A2M: variants seen among roughly 807,000 people sequenced by gnomAD.
A2M encodes C3 and PZP-like alpha-2-macroglobulin domain-containing protein 5.
A neutral mutation model predicts 183.9 loss-of-function variants in A2M; 128 were observed. The observed-to-expected ratio is 0.70, with a 90% confidence interval of 0.60 to 0.81. A2M has a LOEUF of 0.81. A2M is among the 30% of genes least tolerant of loss of function. The pLI, the probability that A2M is intolerant of heterozygous loss-of-function variation, is 0.00. For missense variants in A2M, 1,495 were observed against 1,787.6 expected (o/e 0.84, Z 2.95); for synonymous variants, 592 against 670.8 (o/e 0.88, Z 1.81).
intron 29 of A2M, among the ~76,000 whole-genome samples, chr12:9,074,032 G>A (rs865880303): frequency 6.7e-6 from 1 of 149,112 alleles, no homozygotes. Context: ...AGGTTGCAGT[G>A]AGCCGAGATT....
At chr12:9,096,556 T>C (rs781763138) in intron 15 of A2M, among the ~76,000 whole-genome samples, 3 of 152,340 alleles carry the variant, frequency 2.0e-5, no homozygotes, top group East Asian at 1.9e-4. Flanking sequence ...CTTCATATAA[T>C]ACATACAACT....
intron 21 of A2M, 110 bp from the exon 22 acceptor site, chr12:9,089,361 A>C: frequency 1.2e-6 from 1 of 801,812 alleles, no homozygotes. Context: ...TTTGAACTGT[A>C]TTATCTAAGA....
At chr12:9,077,225 T>C in intron 27 of A2M, 121 bp downstream of exon 27, 1 of 977,426 alleles carries the variant, frequency 1.0e-6, no homozygotes, top group Non-Finnish European at 1.5e-6. Context: ...TGGGAAGCAC[T>C]GGCATTGCAT....
chr12:9,070,928 C>G (rs1279251158), intron 31 of A2M, among the ~76,000 whole-genome samples: 1 of 151,856 alleles, frequency 6.6e-6, no homozygotes, highest in East Asian at 1.9e-4. Flanking sequence ...TCAAGTGATT[C>G]TCCTGCCTCA....
intron 7 of A2M, among the ~76,000 whole-genome samples, chr12:9,108,795 C>A (rs1452253111): frequency 3.9e-5 from 6 of 152,138 alleles, no homozygotes. Context: ...TCAGTGCAGA[C>A]AGGTATGTAG....
chr12:9,095,400 T>C (rs1209416784), intron 16 of A2M, 139 bp downstream of exon 16: 1 of 776,394 alleles, frequency 1.3e-6, no homozygotes, highest in Non-Finnish European at 2.0e-6. Context: ...GATCTGCTGC[T>C]ATTAGTAGAG....
chr12:9,101,193 T>TCCC lies in A2M; in HGVS notation c.1506_1508dup (p.Gly504dup). ...CATGAGTCCCAGTTCGGACAATGCC[T>TCCC]CCCTTTGCCATTATCTGCAAAAAAG... On this transcript the variant is annotated inframe_insertion, in exon 13 of 36. Coordinates refer to ENST00000318602, the MANE Select transcript of A2M (RefSeq NM_000014.6). 1.3e-6 allele frequency: 2 copies of TCCC among 1,560,114 alleles called. No homozygotes were observed. The highest frequency in any genetic ancestry group is 1.7e-6 in the Non-Finnish European group (2 of 1,151,318).
At position 9,079,159 on chromosome 12, in the gene A2M, T is replaced by C; in HGVS notation, c.3119+85A>G. ...CATCGGTCTGATAATACATATCTGA[T>C]AGTGTTGCTGTGAATATAATTGAGG... is the stretch of plus-strand genomic sequence containing the variant. On this transcript the variant is annotated intron_variant, in intron 25 of 35. Coordinates refer to ENST00000318602, the MANE Select transcript of A2M (RefSeq NM_000014.6). The C allele has an allele frequency of 3.0e-6, 3 of 1,010,296 alleles. No individual in the cohort carries two copies. The South Asian group carries it at 4.4e-5, about 15-fold the overall frequency. 62.6% of individuals were successfully genotyped at this position (1,010,296 alleles called of 1,614,324 possible). A position where few individuals can be genotyped will look rare whatever the true frequency, so the allele number is the denominator to read the frequency against.
At position 9,113,352 on chromosome 12, in the gene A2M, A is replaced by G. The variant is rs1299349539; in HGVS notation, c.270+8T>C. The stretch of plus-strand genomic sequence containing the variant: ...ACCAAGTATATTAAGTCAAACAGCC[A>G]CACTCACAGCGAAGGCGACACAGTG... On this transcript the variant is annotated splice_region_variant and intron_variant, in intron 2 of 35. Transcript: ENST00000318602. 1 of 1,612,918 alleles carries G rather than the reference A, an allele frequency of 6.2e-7. No homozygotes were observed. Among genetic ancestry groups the G allele is most frequent in the African/African-American group, 1.3e-5 (1 of 74,722 alleles).
At chr12:9,072,524 T>G (rs1948607714) in intron 30 of A2M, 38 bp from the exon 31 acceptor site, 2 of 1,603,002 alleles carry the variant, frequency 1.2e-6, no homozygotes, top group South Asian at 2.2e-5. Context: ...TTTTTGCCCT[T>G]TCCCAGAATT....
Position 9,091,297 on chromosome 12 carries a change from G to A in A2M, c.2373C>T (p.Pro791=), listed in dbSNP as rs1447136381. The change falls in exon 19 of 36, where the codon CCC becomes CCT. Residue 791 remains proline (P), a synonymous_variant. Transcript: ENST00000318602. ...SSTASLRAFQ[P]FFVELTMPYS... ...AAGGCATTGTGAGCTCCACAAAGAA[G>A]GGCTGGAAGGCTCGGAGAGAGGCAG... The A allele has an allele frequency of 6.2e-7, 1 of 1,614,140 alleles. No homozygotes were observed. The highest frequency in any genetic ancestry group is 8.5e-7 in the Non-Finnish European group (1 of 1,180,038).
At chr12:9,101,051 T>G in intron 13 of A2M, 93 bp downstream of exon 13, 1 of 1,207,476 alleles carries the variant, frequency 8.3e-7, no homozygotes, top group Non-Finnish European at 1.2e-6. Context: ...CAAAAACCTA[T>G]GGAAAAAAAG....
chr12:9,112,580 G>C (rs1938821515), intron 2 of A2M, 44 bp from the exon 3 acceptor site: 2 of 1,608,564 alleles, frequency 1.2e-6, no homozygotes, highest in South Asian at 1.1e-5. Context: ...AGCACCCGCA[G>C]GTCTCCTCCC....
intron 25 of A2M, among the ~76,000 whole-genome samples, chr12:9,078,880 G>A (rs951635548): frequency 6.6e-6 from 1 of 152,128 alleles, no homozygotes; most frequent in African/African-American, 2.4e-5. Flanking sequence ...CAAGCTGAAT[G>A]ACTTAGAATG....
Position 9,115,744 on chromosome 12 carries a change from G to T in A2M, c.86+20C>A. 6.3e-7 allele frequency: 1 copy of T among 1,588,510 alleles called. No homozygotes were observed. Reference sequence around the variant, plus strand: ...GAAGGACTCTAGGTTCATGCTTCACGCTCTCTGTGTGGAACTCACGGTTTT... The same window carrying T: ...GAAGGACTCTAGGTTCATGCTTCACTCTCTCTGTGTGGAACTCACGGTTTT... On this transcript the variant is annotated intron_variant, in intron 1 of 35. Transcript: ENST00000318602.
intron 22 of A2M, 54 bp from the exon 23 acceptor site, chr12:9,080,231 C>A: frequency 1.6e-6 from 2 of 1,226,540 alleles, no homozygotes; most frequent in Non-Finnish European, 2.3e-6. Flanking sequence ...TTATATCTTT[C>A]TAAACAGCTC....
chr12:9,084,964 A>T (rs1236979612), intron 22 of A2M, among the ~76,000 whole-genome samples: 2 of 152,182 alleles, frequency 1.3e-5, no homozygotes, highest in Non-Finnish European at 2.9e-5. Context: ...AAAAGGGTCA[A>T]TTCATCAAAA....
intron 11 of A2M, among the ~76,000 whole-genome samples, chr12:9,103,848 A>G (rs1938078842): frequency 6.6e-6 from 1 of 152,186 alleles, no homozygotes; most frequent in South Asian, 2.1e-4. Flanking sequence ...TCTCTCAGCT[A>G]TTGTGAATAG....
intron 29 of A2M, among the ~76,000 whole-genome samples, chr12:9,073,383 T>G (rs900535126): frequency 2.0e-5 from 3 of 152,218 alleles, no homozygotes; most frequent in African/African-American, 7.2e-5. Context: ...GTATTATAAT[T>G]ATCTTCTGGA....
Sources: allele counts gnomAD v4.1 joint callset (sites outside exome capture counted in the v4.1 genomes callset), GRCh38; gene constraint gnomAD v4.1.1; transcripts MANE v1.5; gene names NCBI Gene and HGNC (gene_info 2026-07-23, HGNC 2026-07-21).